SOS2: variants seen among roughly 807,000 people sequenced by gnomAD.
SOS2 encodes the protein son of sevenless homolog 2.
In SOS2, 65 loss-of-function variants were observed where a neutral mutation model predicts 148.2. The ratio of observed to expected loss-of-function variants is 0.44; its 90% confidence interval spans 0.36 to 0.54. SOS2 has a LOEUF of 0.54. SOS2 is among the 20% of genes least tolerant of loss of function. The pLI is 0.00. For missense variants in SOS2, 1,341 were observed against 1,590.2 expected, an observed-to-expected ratio of 0.84 and a Z score of 2.67; for synonymous variants, 539 against 537.1, an observed-to-expected ratio of 1.00 and a Z score of -0.05.
At chr14:50,225,419 T>C (rs935823737) in intron 1 of SOS2, among the ~76,000 whole-genome samples, 2 of 152,230 alleles carry the variant, frequency 1.3e-5, no homozygotes, top group Non-Finnish European at 2.9e-5. Context: ...AGTTGATTTA[T>C]GTCAAGGGGT....
intron 6 of SOS2, 77 bp from the exon 7 acceptor site, chr14:50,180,759 C>T: frequency 1.2e-6 from 1 of 813,402 alleles, no homozygotes; most frequent in East Asian, 2.9e-5. Flanking sequence ...ATTATTATCA[C>T]TTGATCCCAG....
chr14:50,156,035 T>C (rs1884805448), intron 12 of SOS2: 1 of 152,102 alleles, frequency 6.6e-6, no homozygotes, highest in African/African-American at 2.4e-5. Context: ...GTGGCAATTA[T>C]CCTGGGAAAT....
chr14:50,220,405 C>CGAA (rs779813155), intron 1 of SOS2, among the ~76,000 whole-genome samples: 1 of 30,448 alleles, frequency 3.3e-5, no homozygotes, highest in African/African-American at 1.4e-4. Context: ...GACTCCATCT[C>CGAA]AAAAAAAAAA....
chr14:50,122,390 G>GGTTT (rs1566816230), intron 21 of SOS2, among the ~76,000 whole-genome samples: 1 of 60,554 alleles, frequency 1.7e-5, no homozygotes, highest in Non-Finnish European at 2.9e-5. Context: ...AGAACCCTGG[G>GGTTT]CTTTTTTTTT....
chr14:50,135,780 G>A (rs1884060406), intron 18 of SOS2, among the ~76,000 whole-genome samples: 1 of 149,218 alleles, frequency 6.7e-6, no homozygotes, highest in Non-Finnish European at 1.5e-5. Flanking sequence ...TATTTCATCA[G>A]ATGGATATTT....
chr14:50,126,474 A>G (rs1471551156), intron 21 of SOS2, among the ~76,000 whole-genome samples: 1 of 152,172 alleles, frequency 6.6e-6, no homozygotes, highest in Non-Finnish European at 1.5e-5. Flanking sequence ...CCCCATAAAC[A>G]TATACAATTA....
At chr14:50,155,894 T>C (rs1884797196) in intron 12 of SOS2, 1 of 152,154 alleles carries the variant, frequency 6.6e-6, no homozygotes, top group African/African-American at 2.4e-5. Context: ...TCACAGCTAG[T>C]AGAAAAGAAT....
chr14:50,173,116 T>C (rs767909433), intron 8 of SOS2, among the ~76,000 whole-genome samples: 1 of 151,820 alleles, frequency 6.6e-6, no homozygotes, highest in Non-Finnish European at 1.5e-5. Context: ...GACTATAGGC[T>C]TGTGGCCACC....
At chr14:50,227,575 G>A (rs1259526831) in intron 1 of SOS2, among the ~76,000 whole-genome samples, 3 of 151,944 alleles carry the variant, frequency 2.0e-5, no homozygotes, top group African/African-American at 7.3e-5. Flanking sequence ...CACCACGCCC[G>A]GCTAATTTTT....
At chr14:50,171,580 AG>A (rs1885364341) in intron 8 of SOS2, among the ~76,000 whole-genome samples, 1 of 150,832 alleles carries the variant, frequency 6.6e-6, no homozygotes, top group African/African-American at 2.4e-5. Flanking sequence ...GCTACTCAGG[AG>A]GCTGAGGCAG....
intron 1 of SOS2, among the ~76,000 whole-genome samples, chr14:50,228,115 C>G (rs1317821205): frequency 1.4e-5 from 2 of 146,496 alleles, no homozygotes; most frequent in Non-Finnish European, 3.0e-5. Flanking sequence ...GATCTCGGCT[C>G]ACTGCAACCT....
At chr14:50,207,959 T>C (rs997322434) in intron 1 of SOS2, among the ~76,000 whole-genome samples, 1 of 150,962 alleles carries the variant, frequency 6.6e-6, no homozygotes, top group African/African-American at 2.4e-5. Flanking sequence ...AATATATATG[T>C]AAAAAAGCCA....
At chr14:50,175,428 C>CTTTT in intron 7 of SOS2, among the ~76,000 whole-genome samples, 1 of 119,836 alleles carries the variant, frequency 8.3e-6, no homozygotes, top group South Asian at 2.7e-4. Flanking sequence ...AGGAGTAATA[C>CTTTT]TTTTTTTTTT....
chr14:50,160,676 C>G (rs1381965027), intron 9 of SOS2, among the ~76,000 whole-genome samples: 1 of 152,046 alleles, frequency 6.6e-6, no homozygotes, highest in East Asian at 1.9e-4. Flanking sequence ...CGTGAGCCAC[C>G]GTGCCCAGCC....
chr14:50,217,982 C>CA (rs902481201), intron 1 of SOS2, among the ~76,000 whole-genome samples: 3 of 149,164 alleles, frequency 2.0e-5, no homozygotes, highest in Non-Finnish European at 4.5e-5. Flanking sequence ...AACAAACAAA[C>CA]AAAAAAAACT....
At position 50,188,531 on chromosome 14, in the gene SOS2, G is replaced by A; in HGVS notation, c.680C>T (p.Ala227Val). Reference sequence around the variant, plus strand: ...AAACAGCTTTCTATCAGAAAGAAAGGCTTCTCGAAACACTTTTATGATCAT... The same window carrying A: ...AAACAGCTTTCTATCAGAAAGAAAGACTTCTCGAAACACTTTTATGATCAT... ...LNMIIKVFRE[A>V]FLSDRKLFKP... The change falls in exon 5 of 23, where the codon GCC (alanine) becomes GTC (valine). Residue 227 changes from alanine (A) to valine (V), a missense_variant. Physicochemically the swap from Ala to Val is moderately conservative, Grantham distance 64. Around this residue, in one of 4 missense-constraint regions of SOS2, gnomAD observed 574 missense variants for 711.1 expected, o/e 0.81. Coordinates refer to ENST00000216373, the MANE Select transcript of SOS2 (RefSeq NM_006939.4). 1 of 1,599,344 alleles carries A rather than the reference G, an allele frequency of 6.3e-7. No individual in the cohort carries two copies. Among genetic ancestry groups the A allele is most frequent in the Non-Finnish European group, 8.5e-7 (1 of 1,176,474 alleles).
chr14:50,214,585 G>A (rs2139831138), intron 1 of SOS2, among the ~76,000 whole-genome samples: 1 of 152,178 alleles, frequency 6.6e-6, no homozygotes, highest in South Asian at 2.1e-4. Flanking sequence ...GCTGAGGTGG[G>A]AGGATTCCTT....
intron 16 of SOS2, among the ~76,000 whole-genome samples, chr14:50,140,993 A>T (rs1469686605): frequency 2.0e-5 from 3 of 149,428 alleles, no homozygotes. Flanking sequence ...TCATGAGGTC[A>T]GGGGATCAAG....
At position 50,182,577 on chromosome 14, in the gene SOS2, T is replaced by C. The variant is rs2139710078; in HGVS notation, c.744A>G (p.Ser248=). ...GTTTCACAGTCAATTCATGTATATC[T>C]GAAATGTTACTAAAAATCTTTTCGA... ...SDIEKIFSNI[S]DIHELTVKLL... is the part of the protein sequence containing the mutation. Residue 248 remains serine (S), a synonymous_variant, in exon 6 of 23, where the codon TCA becomes TCG. Transcript: ENST00000216373. The C allele has an allele frequency of 6.2e-7, 1 of 1,604,916 alleles. No homozygotes were observed. Among genetic ancestry groups the C allele is most frequent in the African/African-American group, 1.3e-5 (1 of 74,858 alleles).
Sources: gnomAD v4.1 joint callset for allele counts (sites outside exome capture counted in the v4.1 genomes callset) on GRCh38, gnomAD v4.1.1 for gene constraint, gnomAD v4.1.1 regional missense constraint, MANE v1.5 for transcripts, NCBI Gene and HGNC (gene_info 2026-07-23, HGNC 2026-07-21) for gene names.